FLT3: variants seen among roughly 807,000 people sequenced by gnomAD.
FLT3 encodes fms related receptor tyrosine kinase 3, also known as receptor-type tyrosine-protein kinase FLT3.
A neutral mutation model predicts 126.6 loss-of-function variants in FLT3; 46 were observed. That is an observed-to-expected ratio of 0.36 (90% CI 0.29 to 0.46). FLT3 has a LOEUF of 0.46. FLT3 is among the 20% of genes least tolerant of loss of function. FLT3 has a pLI of 1.00. For synonymous variants in FLT3, 404 were observed against 434.4 expected (o/e 0.93, Z 0.87); for missense variants, 1,069 against 1,190.3 (o/e 0.90, Z 1.50).
chr13:28,056,057 C>T (rs969644909), intron 4 of FLT3, among the ~76,000 whole-genome samples: 4 of 152,146 alleles, frequency 2.6e-5, no homozygotes, highest in African/African-American at 7.2e-5. Context: ...ACCTTACAGG[C>T]TGACTTTAGA....
At chr13:28,015,811 G>A in intron 20 of FLT3, 110 bp from the exon 21 acceptor site, 1 of 669,294 alleles carries the variant, frequency 1.5e-6, no homozygotes, top group Non-Finnish European at 2.7e-6. Context: ...CACTCTTAAT[G>A]CCTTATTGAG....
At chr13:28,055,027 T>G (rs1185065563) in intron 4 of FLT3, among the ~76,000 whole-genome samples, 1 of 152,244 alleles carries the variant, frequency 6.6e-6, no homozygotes, top group Admixed American at 6.5e-5. Context: ...CTTTGTTGAT[T>G]GTGAACTGCA....
chr13:28,010,226 G>T (rs1225818650), intron 23 of FLT3, among the ~76,000 whole-genome samples: 1 of 152,204 alleles, frequency 6.6e-6, no homozygotes, highest in Non-Finnish European at 1.5e-5. Context: ...TTGCTTTCAT[G>T]CTGACTTCAT....
chr13:28,055,808 G>T (rs988568058), intron 4 of FLT3, among the ~76,000 whole-genome samples: 2 of 152,160 alleles, frequency 1.3e-5, no homozygotes, highest in Non-Finnish European at 2.9e-5. Context: ...AAAGGAGAAA[G>T]AGGAAGAGAA....
At chr13:28,037,128 TAATAAAAAATTAAGGAATTAAAA>T (rs1566073868) in intron 10 of FLT3, 34 bp downstream of exon 10, 19 of 1,023,808 alleles carry the variant, frequency 1.9e-5, no homozygotes, top group South Asian at 1.8e-4. Flanking sequence ...TAGTTAAGAC[TAATAAAAAATTAAGGAATTAAAA>T]AATAAAAATC....
intron 19 of FLT3, among the ~76,000 whole-genome samples, chr13:28,021,909 AT>A (rs549195608): frequency 6.6e-6 from 1 of 151,298 alleles, no homozygotes; most frequent in African/African-American, 2.4e-5. Flanking sequence ...CACTCGGCTA[AT>A]TTTTTTTGTA....
chr13:28,042,188 T>TAATAATGAA (rs1555255326), intron 9 of FLT3, among the ~76,000 whole-genome samples: 1 of 136,700 alleles, frequency 7.3e-6, no homozygotes, highest in Non-Finnish European at 1.6e-5. Context: ...ATAATAATAA[T>TAATAATGAA]AAATAAAAAT....
intron 23 of FLT3, among the ~76,000 whole-genome samples, chr13:28,008,009 C>A (rs994672265): frequency 5.3e-5 from 8 of 152,012 alleles, no homozygotes; most frequent in Non-Finnish European, 1.0e-4. Context: ...TCTCCACCTT[C>A]TTCTTTATTG....
intron 1 of FLT3, among the ~76,000 whole-genome samples, chr13:28,088,483 T>A (rs1238333206): frequency 6.6e-6 from 1 of 152,138 alleles, no homozygotes; most frequent in Non-Finnish European, 1.5e-5. Context: ...AGACAGGGTT[T>A]TGCCATGTTG....
In FLT3 at chr13:28,014,552, A is replaced by G; in HGVS notation, c.2759T>C (p.Ile920Thr). The G allele has an allele frequency of 1.2e-6, 2 of 1,608,948 alleles. No individual in the cohort carries two copies. The highest frequency in any genetic ancestry group is 8.5e-7 in the Non-Finnish European group (1 of 1,175,406). Reference protein sequence around the residue: ...QPFYATEEIYIIMQSCWAFDS... With the variant: ...QPFYATEEIYTIMQSCWAFDS... ...AAAAGCCCAGCAGGATTGCATTATA[A>G]TGTATCTGTAAAAGCAATAGAACAA... The change falls in exon 23 of 24, where the codon ATT (isoleucine) becomes ACT (threonine). Residue 920 changes from isoleucine (I) to threonine (T), a missense_variant. Physicochemically the swap from Ile to Thr is moderately conservative, Grantham distance 89. Coordinates refer to ENST00000241453, the MANE Select transcript of FLT3 (RefSeq NM_004119.3).
Position 28,043,467 on chromosome 13 carries a change from C to T in FLT3, c.1205+4808G>A, listed in dbSNP as rs185415336. On this transcript the variant is annotated intron_variant, in intron 9 of 23. Coordinates refer to ENST00000241453, the MANE Select transcript of FLT3 (RefSeq NM_004119.3). ...TTCTGGTGCACATACCATGACCACA[C>T]CAAAGTTTTTTCAGGGGTAGTGTTA... 1.5e-3 allele frequency among the ~76,000 whole-genome samples: 233 copies of T among 152,260 alleles called. 5 individuals are homozygous for T. The highest frequency in any genetic ancestry group is 4.6e-4 in the Non-Finnish European group (31 of 68,008).
At position 28,018,069 on chromosome 13, in the gene FLT3, A is replaced by G. The variant is rs145594116; in HGVS notation, c.2541+398T>C. On this transcript the variant is annotated intron_variant, in intron 20 of 23. Transcript: ENST00000241453. The stretch of plus-strand genomic sequence containing the variant: ...CTTTAACATTTTATAGGTATGTGCT[A>G]TATATGTTTTAAAGTGCTTTATTGT... Among the ~76,000 whole-genome samples, 28 of 152,332 alleles carry G rather than the reference A, an allele frequency of 1.8e-4. 1 individual carries two copies. In the East Asian group the frequency reaches 5.4e-3, roughly 29 times the overall value.
At chr13:28,051,547 CTTTT>C (rs757834414) in intron 5 of FLT3, among the ~76,000 whole-genome samples, 1 of 89,926 alleles carries the variant, frequency 1.1e-5, no homozygotes. Flanking sequence ...TATAATTTCC[CTTTT>C]TTTTTTTTTT....
intron 5 of FLT3, among the ~76,000 whole-genome samples, chr13:28,051,816 G>A (rs1010501693): frequency 1.4e-4 from 21 of 152,038 alleles, no homozygotes; most frequent in Middle Eastern, 3.4e-3. Context: ...AAAGTGCTGG[G>A]ATTACAGACG....
intron 1 of FLT3, among the ~76,000 whole-genome samples, chr13:28,073,040 C>G (rs1004175249): frequency 6.7e-6 from 1 of 149,996 alleles, no homozygotes; most frequent in Admixed American, 6.6e-5. Context: ...ATATGCTTAT[C>G]TCTTTAAAAG....
chr13:28,033,828 G>T, intron 15 of FLT3, 59 bp downstream of exon 15: 1 of 1,225,354 alleles, frequency 8.2e-7, no homozygotes, highest in Non-Finnish European at 1.2e-6. Flanking sequence ...AGGCATGGGT[G>T]GGAAACTGTG....
intron 15 of FLT3, among the ~76,000 whole-genome samples, chr13:28,031,235 G>A (rs7319062): frequency 0.95 from 142,707 of 150,938 alleles, 67,967 homozygotes; most frequent in Non-Finnish European, 1. Flanking sequence ...CTCAAAAAAA[G>A]AAGAAAAAAT....
chr13:28,070,648 T>C, intron 1 of FLT3, 36 bp from the exon 2 acceptor site: 3 of 1,516,222 alleles, frequency 2.0e-6, no homozygotes, highest in Non-Finnish European at 9.0e-7. Flanking sequence ...TGTTGATACA[T>C]GCACACCTTA....
intron 20 of FLT3, among the ~76,000 whole-genome samples, chr13:28,017,608 C>T (rs1263187861): frequency 1.3e-5 from 2 of 151,892 alleles, no homozygotes; most frequent in African/African-American, 2.4e-5. Context: ...TTTTTGTAAA[C>T]ACATCTGTCC....
Sources: gnomAD v4.1 joint callset for allele counts (sites outside exome capture counted in the v4.1 genomes callset) on GRCh38, gnomAD v4.1.1 for gene constraint, MANE v1.5 for transcripts, NCBI Gene and HGNC (gene_info 2026-07-23, HGNC 2026-07-21) for gene names.